Variants in CPA6 observed in about 807,000 individuals in gnomAD.
CPA6 encodes the protein carboxypeptidase B.
In CPA6, 58 loss-of-function variants were observed where a neutral mutation model predicts 63.3. That is an observed-to-expected ratio of 0.92 (90% CI 0.74 to 1.14). The LOEUF (loss-of-function observed/expected upper bound fraction) is 1.14, where lower values mean the gene tolerates loss of function less well. Ranked by LOEUF, CPA6 falls within the 50% of genes most tolerant of loss-of-function variation. CPA6 has a pLI of 0.00. For missense variants in CPA6, 565 were observed against 526.6 expected, an observed-to-expected ratio of 1.07 and a Z score of -0.71; for synonymous variants, 185 against 179.0, an observed-to-expected ratio of 1.03 and a Z score of -0.27.
chr8:67,634,227 G>GTT (rs537531200), intron 1 of CPA6, among the ~76,000 whole-genome samples: 2 of 126,686 alleles, frequency 1.6e-5, no homozygotes, highest in African/African-American at 3.1e-5. Context: ...TTATTTATTT[G>GTT]TTTTTTTTTT....
intron 3 of CPA6, among the ~76,000 whole-genome samples, chr8:67,512,236 C>A (rs1200268816): frequency 6.6e-6 from 1 of 152,156 alleles, no homozygotes; most frequent in Non-Finnish European, 1.5e-5. Context: ...TCTTCCATGC[C>A]CTTACCACTT....
chr8:67,702,744 C>T (rs762470158), intron 1 of CPA6, among the ~76,000 whole-genome samples: 4 of 152,194 alleles, frequency 2.6e-5, no homozygotes, highest in Non-Finnish European at 5.9e-5. Context: ...TACGGCCCCT[C>T]TCAAGTGCTA....
chr8:67,662,251 T>C (rs777769602), intron 1 of CPA6, among the ~76,000 whole-genome samples: 1 of 152,154 alleles, frequency 6.6e-6, no homozygotes, highest in Non-Finnish European at 1.5e-5. Flanking sequence ...TTACAAAGAA[T>C]GCATCAGGTG....
intron 1 of CPA6, among the ~76,000 whole-genome samples, chr8:67,728,089 A>C (rs888889879): frequency 1.5e-4 from 22 of 151,014 alleles, no homozygotes; most frequent in South Asian, 2.1e-4. Context: ...AAAAAAAAAA[A>C]AACAAAAAAA....
chr8:67,642,655 A>G (rs1815619384), intron 1 of CPA6, among the ~76,000 whole-genome samples: 1 of 152,196 alleles, frequency 6.6e-6, no homozygotes, highest in African/African-American at 2.4e-5. Flanking sequence ...TATCAGAAGC[A>G]GATCCTTATG....
chr8:67,707,285 A>G (rs1218722649), intron 1 of CPA6, among the ~76,000 whole-genome samples: 1 of 152,238 alleles, frequency 6.6e-6, no homozygotes, highest in Non-Finnish European at 1.5e-5. Context: ...AGTTAACCGC[A>G]TGGACTGAAC....
Position 67,422,343 on chromosome 8 carries a change from T to C in CPA6, c.*161A>G, listed in dbSNP as rs962105051. ...AACTAGGCTATGCCCTGTTTTTTAC[T>C]GTTTTCTATTGCCACAAAGTCAAAT... On this transcript the variant is annotated 3_prime_UTR_variant, in exon 11 of 11. Coordinates refer to ENST00000297770, the MANE Select transcript of CPA6 (RefSeq NM_020361.5). 7.8e-6 allele frequency: 4 copies of C among 514,966 alleles called. No homozygotes were observed. Among genetic ancestry groups the C allele is most frequent in the African/African-American group, 3.8e-5 (2 of 53,174 alleles). 31.9% of individuals were successfully genotyped at this position (514,966 alleles called of 1,614,324 possible).
rs1810090631 is a variant in CPA6 at position 67,434,108 on chromosome 8, T to C, written c.971A>G (p.His324Arg). 1 of 1,613,976 alleles carries C rather than the reference T, an allele frequency of 6.2e-7. No individual in the cohort carries two copies. Among genetic ancestry groups the C allele is most frequent in the South Asian group, 1.1e-5 (1 of 91,078 alleles). ...RKHIRAYLSF[H>R]AYAQMLLYPY... ...ATACAGTAACATCTGAGCATATGCA[T>C]GAAAGGAGAGATAAGCCCTAATGTG... The change falls in exon 9 of 11, where the codon CAT (histidine) becomes CGT (arginine). Residue 324 changes from histidine (H) to arginine (R), a missense_variant. Coordinates refer to ENST00000297770, the MANE Select transcript of CPA6 (RefSeq NM_020361.5).
At chr8:67,642,791 T>C (rs1353338663) in intron 1 of CPA6, among the ~76,000 whole-genome samples, 1 of 89,364 alleles carries the variant, frequency 1.1e-5, no homozygotes, top group Admixed American at 1.1e-4. Context: ...TGGGCCTTTA[T>C]CTCACACACA....
At position 67,533,620 on chromosome 8, in the gene CPA6, A is replaced by G. The variant is rs150192444; in HGVS notation, c.193-15573T>C. 1.1e-4 allele frequency among the ~76,000 whole-genome samples: 16 copies of G among 152,360 alleles called. No homozygotes were observed. In the East Asian group the frequency reaches 3.1e-3, roughly 29 times the overall value. On this transcript the variant is annotated intron_variant, in intron 2 of 10. Transcript: ENST00000297770. ...CTGATTGCAGAACTAAGTTTATTGC[A>G]CAAGCATTAGTGAGCAATATAGACT...
chr8:67,582,053 G>A (rs889102805), intron 2 of CPA6, among the ~76,000 whole-genome samples: 3 of 152,076 alleles, frequency 2.0e-5, no homozygotes, highest in African/African-American at 2.4e-5. Flanking sequence ...GTTGTGTAGT[G>A]GGGTGGAAAG....
At chr8:67,519,158 C>A (rs1812210320) in intron 2 of CPA6, among the ~76,000 whole-genome samples, 1 of 152,196 alleles carries the variant, frequency 6.6e-6, no homozygotes, top group South Asian at 2.1e-4. Flanking sequence ...AAAGCAGAAG[C>A]CACATCTGTT....
At chr8:67,607,103 TCTTTCCTCC>T (rs1302765998) in intron 2 of CPA6, among the ~76,000 whole-genome samples, 48 of 146,084 alleles carry the variant, frequency 3.3e-4, no homozygotes, top group African/African-American at 1.1e-3. Context: ...TTCTTCTTCT[TCTTTCCTCC>T]TCCTCCTCCT....
intron 1 of CPA6, among the ~76,000 whole-genome samples, chr8:67,675,530 A>T (rs1216859105): frequency 6.6e-6 from 1 of 152,158 alleles, no homozygotes; most frequent in Admixed American, 6.5e-5. Flanking sequence ...AAACTGACTC[A>T]GTGACCCACT....
chr8:67,662,368 T>C, intron 1 of CPA6, among the ~76,000 whole-genome samples: 1 of 149,460 alleles, frequency 6.7e-6, no homozygotes, highest in Non-Finnish European at 1.5e-5. Flanking sequence ...AAGAGTGATG[T>C]TATTCTAGAA....
At chr8:67,595,135 T>C (rs1225824729) in intron 2 of CPA6, among the ~76,000 whole-genome samples, 1 of 152,222 alleles carries the variant, frequency 6.6e-6, no homozygotes, top group East Asian at 1.9e-4. Flanking sequence ...TGGAGTTTGC[T>C]AGAGGTCCAC....
chr8:67,548,161 C>T (rs1812862251), intron 2 of CPA6, among the ~76,000 whole-genome samples: 1 of 115,564 alleles, frequency 8.7e-6, no homozygotes, highest in Admixed American at 1.2e-4. Flanking sequence ...CTCATCCTTC[C>T]TTTCCTTCCT....
chr8:67,735,842 C>G lies in CPA6; in HGVS notation c.116+10172G>C, dbSNP rs180928957. On this transcript the variant is annotated intron_variant, in intron 1 of 10. Coordinates refer to ENST00000297770, the MANE Select transcript of CPA6 (RefSeq NM_020361.5). The stretch of plus-strand genomic sequence containing the variant: ...AAGTTGTTCATGAGCATGCTGTTAC[C>G]TTTGGGAGAAATCAGAAGCGTATGT... 5.7e-4 allele frequency among the ~76,000 whole-genome samples: 86 copies of G among 152,174 alleles called. 1 individual carries two copies. Among genetic ancestry groups the G allele is most frequent in the Non-Finnish European group, 1.0e-4 (7 of 68,004 alleles).
chr8:67,535,830 T>G (rs1397012577), intron 2 of CPA6, among the ~76,000 whole-genome samples: 2 of 152,224 alleles, frequency 1.3e-5, no homozygotes, highest in African/African-American at 2.4e-5. Flanking sequence ...AGGGTTTTTA[T>G]GGTTTTAGGT....
Sources: gnomAD v4.1 joint callset for allele counts (sites outside exome capture counted in the v4.1 genomes callset) on GRCh38, gnomAD v4.1.1 for gene constraint, MANE v1.5 for transcripts, NCBI Gene and HGNC (gene_info 2026-07-23, HGNC 2026-07-21) for gene names.